PCDHA5: variants seen among roughly 807,000 people sequenced by gnomAD.
PCDHA5 encodes the protein protocadherin alpha-5.
A neutral mutation model predicts 61.6 loss-of-function variants in PCDHA5; 43 were observed. The observed-to-expected ratio is 0.70, with a 90% CI of 0.55 to 0.90. The LOEUF is 0.90. PCDHA5 is among the 40% of genes least tolerant of loss of function. PCDHA5 has a pLI of 0.00. For missense variants in PCDHA5, 1,298 were observed against 1,222.7 expected (o/e 1.06, Z -0.92); for synonymous variants, 627 against 543.9 (o/e 1.15, Z -2.13).
intron 1 of PCDHA5, chr5:140,824,610 G>GTTTTTTTTTTTTTTTTTTTTTTTTTTTT (rs782443702): frequency 2.1e-5 from 2 of 95,102 alleles, no homozygotes; most frequent in Non-Finnish European, 3.8e-5. Flanking sequence ...GCTAATTAAA[G>GTTTTTTTTTTTTTTTTTTTTTTTTTTTT]TTTTTTTTTT....
At chr5:140,842,571 G>T (rs1554139191) in intron 1 of PCDHA5, 2 of 1,508,202 alleles carry the variant, frequency 1.3e-6, no homozygotes, top group African/African-American at 1.5e-5. Context: ...GACCGCGAGA[G>T]AGTGTCGGCC....
intron 1 of PCDHA5, among the ~76,000 whole-genome samples, chr5:140,971,548 C>T (rs558563294): frequency 6.6e-6 from 1 of 152,246 alleles, no homozygotes; most frequent in African/African-American, 2.4e-5. Context: ...CCAGATCAAC[C>T]TGTTAAATTC....
intron 1 of PCDHA5, chr5:140,825,308 A>C (rs758999879): frequency 6.7e-6 from 1 of 148,832 alleles, no homozygotes. Flanking sequence ...TGGAACAATG[A>C]TTTAATTTTC....
chr5:140,863,171 C>T (rs782749533), intron 1 of PCDHA5: 11 of 696,670 alleles, frequency 1.6e-5, no homozygotes, highest in Non-Finnish European at 2.8e-5. Flanking sequence ...CTGGCGCTGA[C>T]TGCCACCGTC....
At chr5:140,883,507 G>A (rs782325165) in intron 1 of PCDHA5, 2 of 1,614,200 alleles carry the variant, frequency 1.2e-6, no homozygotes, top group Admixed American at 1.7e-5. Context: ...ACAGCGCCCT[G>A]GACCGCGAGA....
At chr5:140,982,359 C>T in intron 2 of PCDHA5, 116 bp from the exon 3 acceptor site, 1 of 1,523,712 alleles carries the variant, frequency 6.6e-7, no homozygotes. Context: ...CAAGCATGAG[C>T]AGAATGTGTT....
chr5:140,919,694 ATTAAC>A (rs1313954013), intron 1 of PCDHA5, among the ~76,000 whole-genome samples: 5 of 152,200 alleles, frequency 3.3e-5, no homozygotes, highest in Non-Finnish European at 7.3e-5. Context: ...TCAGATTTAT[ATTAAC>A]TTAATTCTAG....
intron 1 of PCDHA5, chr5:140,847,692 T>C (rs1011959129): frequency 1.3e-5 from 2 of 149,872 alleles, no homozygotes; most frequent in Non-Finnish European, 3.0e-5. Context: ...ACAACACATT[T>C]CTGGAAACAG....
intron 1 of PCDHA5, chr5:140,858,360 G>C (rs782369682): frequency 1.9e-6 from 3 of 1,592,532 alleles, no homozygotes; most frequent in Non-Finnish European, 2.6e-6. Flanking sequence ...ATGGCCTTCA[G>C]CCCCAGCCTT....
intron 1 of PCDHA5, chr5:140,876,134 A>T: frequency 6.2e-7 from 1 of 1,613,962 alleles, no homozygotes; most frequent in Non-Finnish European, 8.5e-7. Flanking sequence ...GGTAAACCAG[A>T]ACTAACAGGG....
At chr5:140,968,036 A>T in intron 1 of PCDHA5, 1 of 1,614,160 alleles carries the variant, frequency 6.2e-7, no homozygotes, top group Non-Finnish European at 8.5e-7. Context: ...ACTGGTGGTG[A>T]GCGGCCCACT....
intron 1 of PCDHA5, among the ~76,000 whole-genome samples, chr5:140,895,928 A>G (rs559949902): frequency 5.9e-5 from 9 of 152,226 alleles, no homozygotes; most frequent in African/African-American, 1.9e-4. Flanking sequence ...ATCCTGCCTC[A>G]GCCTCCCGAG....
intron 1 of PCDHA5, chr5:140,883,595 G>C: frequency 6.2e-7 from 1 of 1,614,036 alleles, no homozygotes; most frequent in Non-Finnish European, 8.5e-7. Flanking sequence ...CAGCGTGTCG[G>C]TGGGGGTGGC....
At chr5:140,829,328 C>T (rs782173510) in intron 1 of PCDHA5, 18 of 1,614,244 alleles carry the variant, frequency 1.1e-5, no homozygotes, top group African/African-American at 1.3e-5. Flanking sequence ...GGACAGTGCC[C>T]TGGACCGCGA....
At chr5:140,918,846 C>T (rs1261805257) in intron 1 of PCDHA5, among the ~76,000 whole-genome samples, 1 of 152,140 alleles carries the variant, frequency 6.6e-6, no homozygotes, top group African/African-American at 2.4e-5. Flanking sequence ...ACTAAATCTG[C>T]TGGTGCCTGA....
At position 140,841,437 on chromosome 5, in the gene PCDHA5, C is replaced by G. The variant is rs2150315470; in HGVS notation, c.2352+17310C>G. The G allele has an allele frequency of 7.8e-4, 1,255 of 1,612,956 alleles. 28 individuals are homozygous for G. The East Asian group carries it at 0.027, about 34-fold the overall frequency. ...CTCCACTACTCCGTCCCCGAGGAGG[C>G]CAAACACGGCACCTTCGTGGGCCGG... On this transcript the variant is annotated intron_variant, in intron 1 of 3. Coordinates refer to ENST00000529859, the MANE Select transcript of PCDHA5 (RefSeq NM_018908.3).
chr5:140,908,730 C>G (rs1367655223), intron 1 of PCDHA5, among the ~76,000 whole-genome samples: 4 of 152,124 alleles, frequency 2.6e-5, no homozygotes, highest in Non-Finnish European at 4.4e-5. Context: ...TCATATGGCT[C>G]GAGAAACAGA....
rs1262836505 is a variant in PCDHA5 at position 141,012,081 on chromosome 5, T to C, written c.*2144T>C. The C allele has an allele frequency of 6.5e-6, 1 of 153,748 alleles. No individual in the cohort carries two copies. Among genetic ancestry groups the C allele is most frequent in the Non-Finnish European group, 1.5e-5 (1 of 68,042 alleles). 9.5% of individuals were successfully genotyped at this position (153,748 alleles called of 1,614,324 possible). On this transcript the variant is annotated 3_prime_UTR_variant, in exon 4 of 4. Transcript: ENST00000529859. Reference sequence around the variant, plus strand: ...CAACACATGTGAACCATTGCTACATTGTAGGTTGTGATCATTTTGCCCCAC... The same window carrying C: ...CAACACATGTGAACCATTGCTACATCGTAGGTTGTGATCATTTTGCCCCAC...
chr5:140,843,082 G>C (rs1265027526), intron 1 of PCDHA5: 3 of 1,595,314 alleles, frequency 1.9e-6, no homozygotes, highest in African/African-American at 1.3e-5. Flanking sequence ...CTGTGGGCGC[G>C]GGCCACGTGG....
Sources: allele counts gnomAD v4.1 joint callset (sites outside exome capture counted in the v4.1 genomes callset), GRCh38; gene constraint gnomAD v4.1.1; transcripts MANE v1.5; gene names NCBI Gene and HGNC (gene_info 2026-07-23, HGNC 2026-07-21).